Variants in MAMSTR observed in about 807,000 individuals in gnomAD.
MAMSTR encodes the protein MEF2 activating motif and SAP domain containing transcriptional regulator.
MAMSTR carries 41 observed loss-of-function variants against 42.7 expected under a neutral mutation model. That is an observed-to-expected ratio of 0.96 (90% confidence interval 0.75 to 1.25). The LOEUF (loss-of-function observed/expected upper bound fraction) is 1.25, where lower values mean the gene tolerates loss of function less well. Ranked by LOEUF, MAMSTR falls within the 50% of genes most tolerant of loss-of-function variation. The probability of loss-of-function intolerance (pLI) is 0.00; values close to 1 mark genes in which losing one functional copy is unlikely to be tolerated. For missense variants in MAMSTR, 567 were observed against 557.6 expected (o/e 1.02, Z -0.17); for synonymous variants, 265 against 244.1 (o/e 1.09, Z -0.80).
downstream of MAMSTR, among the ~76,000 whole-genome samples, chr19:48,708,794 G>A (rs1366461219): frequency 2.0e-5 from 3 of 152,104 alleles, no homozygotes; most frequent in Admixed American, 1.3e-4. Context: ...GACACAGAGA[G>A]ATGAGCGCAG....
intron 3 of MAMSTR, among the ~76,000 whole-genome samples, chr19:48,716,106 T>A (rs1274911695): frequency 1.3e-5 from 2 of 152,006 alleles, no homozygotes; most frequent in Admixed American, 1.3e-4. Context: ...CCGGCCGCGG[T>A]GGCTCACGCC....
In MAMSTR at chr19:48,713,992, G is replaced by A. The variant is rs549511294; in HGVS notation, c.777C>T (p.Thr259=). The A allele has an allele frequency of 6.2e-7, 1 of 1,612,242 alleles. No individual in the cohort carries two copies. Among genetic ancestry groups the A allele is most frequent in the African/African-American group, 1.3e-5 (1 of 75,048 alleles). ...HRPPLPRAAD[T]PGTAPAPTPT... is the part of the protein sequence containing the mutation. ...GAGTTGGAGCCGGAGCCGTCCCCGG[G>A]GTATCCGCGGCACGTGGAAGAGGTG... The change falls in exon 8 of 10, where the codon ACC becomes ACT. Residue 259 remains threonine, a synonymous_variant. Coordinates refer to ENST00000318083, the MANE Select transcript of MAMSTR (RefSeq NM_001130915.2).
chr19:48,706,464 C>T, the MAMSTR span, among the ~76,000 whole-genome samples: 47 of 151,678 alleles, frequency 3.1e-4, no homozygotes, highest in African/African-American at 1.1e-3. Flanking sequence ...ATAGTGAAAC[C>T]CTGTCTCTAC....
At position 48,717,034 on chromosome 19, in the gene MAMSTR, C is replaced by G. The variant is rs549686146; in HGVS notation, c.59-291G>C. On this transcript the variant is annotated intron_variant, in intron 2 of 9. Transcript: ENST00000318083. Reference sequence around the variant, plus strand: ...TCCACCTGCCCCCTCCATGAGCAAGCGTGTGCCCACCCCACCCCCTGCGCA... The same window carrying G: ...TCCACCTGCCCCCTCCATGAGCAAGGGTGTGCCCACCCCACCCCCTGCGCA... 6.6e-6 allele frequency: 7 copies of G among 1,066,986 alleles called. No homozygotes were observed. The African/African-American group carries it at 1.2e-4, about 18-fold the overall frequency. 66.1% of individuals were successfully genotyped at this position (1,066,986 alleles called of 1,614,324 possible). A position where few individuals can be genotyped will look rare whatever the true frequency, so the allele number is the denominator to read the frequency against.
chr19:48,719,648 G>GC lies in MAMSTR; in HGVS notation c.-22+30dup, dbSNP rs146010481. 0.06 allele frequency: 9,108 copies of GC among 152,232 alleles called. 386 individuals carry two copies. The highest frequency in any genetic ancestry group is 0.15 in the East Asian group (804 of 5,210). The allele number at this position is 152,232 out of a possible 1,614,324, so 9.4% of individuals were successfully genotyped here. A position where few individuals can be genotyped will look rare whatever the true frequency, so the allele number is the denominator to read the frequency against. On this transcript the variant is annotated intron_variant, in intron 1 of 9. Coordinates refer to ENST00000318083, the MANE Select transcript of MAMSTR (RefSeq NM_001130915.2). The surrounding 1 kb of genome is among the most constrained non-coding windows in gnomAD (Gnocchi z 4.4). ...AGGGGATAGAACCGTTGAGGAGTGC[G>GC]CCCCCCCCGTCCACCCCAGGGGCTT...
At chr19:48,707,905 GAAGA>G (rs1252598995), downstream of MAMSTR, among the ~76,000 whole-genome samples, 3 of 105,452 alleles carry the variant, frequency 2.8e-5, no homozygotes, top group East Asian at 3.3e-4. Context: ...AGAAAGAAAG[GAAGA>G]AAGAAAGAAA....
At position 48,715,697 on chromosome 19, in the gene MAMSTR, G is replaced by C. The variant is rs1288997917; in HGVS notation, c.168C>G (p.Ala56=). The change falls in exon 4 of 10, where the codon GCC becomes GCG. Residue 56 remains alanine, a synonymous_variant. Coordinates refer to ENST00000318083, the MANE Select transcript of MAMSTR (RefSeq NM_001130915.2). ...GGACCCCAGGGCTGAAGAGGAAAGG[G>C]GCCGTGCCCGAGGGCAAGGCCGGGG... ...PLAPALPSGT[A]PFLFSPGVLL... 7 of 1,539,332 alleles carry C rather than the reference G, an allele frequency of 4.5e-6. No individual in the cohort carries two copies. The highest frequency in any genetic ancestry group is 2.5e-5 in the East Asian group (1 of 40,574).
In MAMSTR at chr19:48,713,976, C is replaced by T; in HGVS notation, c.793G>A (p.Ala265Thr). Residue 265 changes from alanine (A) to threonine (T), a missense_variant, in exon 8 of 10, where the codon GCT becomes ACT. Physicochemically the swap from Ala to Thr is moderately conservative, Grantham distance 58. Coordinates refer to ENST00000318083, the MANE Select transcript of MAMSTR (RefSeq NM_001130915.2). Reference protein sequence around the residue: ...RAADTPGTAPAPTPTPAPAAA... With the variant: ...RAADTPGTAPTPTPTPAPAAA... ...GCAGGAGCCGGAGTGGGAGTTGGAGCCGGAGCCGTCCCCGGGGTATCCGCG... is the reference window on the plus strand; with the variant it reads ...GCAGGAGCCGGAGTGGGAGTTGGAGTCGGAGCCGTCCCCGGGGTATCCGCG... 10 of 1,612,988 alleles carry T rather than the reference C, an allele frequency of 6.2e-6. No homozygotes were observed. Among genetic ancestry groups the T allele is most frequent in the Non-Finnish European group, 8.5e-6 (10 of 1,179,658 alleles).
chr19:48,714,008 G>T lies in MAMSTR; in HGVS notation c.761C>A (p.Pro254Gln). Residue 254 changes from proline to glutamine, a missense_variant, in exon 8 of 10, where the codon CCA becomes CAA. Physicochemically the swap from Pro to Gln is moderately conservative, Grantham distance 76. Coordinates refer to ENST00000318083, the MANE Select transcript of MAMSTR (RefSeq NM_001130915.2). Reference protein sequence around the residue: ...PSAASHRPPLPRAADTPGTAP... With the variant: ...PSAASHRPPLQRAADTPGTAP... The stretch of plus-strand genomic sequence containing the variant: ...CGTCCCCGGGGTATCCGCGGCACGT[G>T]GAAGAGGTGGCCTGTGAGATGCTGC... 6.2e-7 allele frequency: 1 copy of T among 1,607,736 alleles called. No homozygotes were observed. Among genetic ancestry groups the T allele is most frequent in the Middle Eastern group, 1.8e-4 (1 of 5,464 alleles).
intron 5 of MAMSTR, 48 bp from the exon 6 acceptor site, chr19:48,714,956 G>C: frequency 7.9e-7 from 1 of 1,269,244 alleles, no homozygotes; most frequent in Non-Finnish European, 1.1e-6. Context: ...GGTAGAGGGG[G>C]AAAAGGCGTT....
chr19:48,707,735 A>AGAG (rs1555755128), downstream of MAMSTR, among the ~76,000 whole-genome samples: 3,215 of 146,340 alleles, frequency 0.022, 122 homozygotes, highest in African/African-American at 0.075. Flanking sequence ...AGCGAAACTC[A>AGAG]AGAGAGAGAG....
chr19:48,709,274 G>A (rs1459482113), downstream of MAMSTR, among the ~76,000 whole-genome samples: 1 of 151,914 alleles, frequency 6.6e-6, no homozygotes, highest in Non-Finnish European at 1.5e-5. Flanking sequence ...TCAGCCTCCC[G>A]AGTAGCTGGG....
intron 5 of MAMSTR, 73 bp downstream of exon 5, chr19:48,715,189 C>T: frequency 7.2e-7 from 1 of 1,390,094 alleles, no homozygotes; most frequent in East Asian, 2.5e-5. Context: ...TAATCTTGGA[C>T]TCGAGGTTTG....
intron 2 of MAMSTR, chr19:48,717,056 C>T (rs1416486926): frequency 2.6e-5 from 25 of 974,710 alleles, no homozygotes; most frequent in Non-Finnish European, 3.1e-5. Context: ...CCACCCCCTG[C>T]GCAATCGCTA....
At chr19:48,714,677 G>A in intron 6 of MAMSTR, 117 bp from the exon 7 acceptor site, 1 of 1,268,622 alleles carries the variant, frequency 7.9e-7, no homozygotes, top group Non-Finnish European at 1.1e-6. Context: ...CGGACTCCTG[G>A]GACCCTAAAA....
chr19:48,714,142 G>A, intron 7 of MAMSTR, 97 bp from the exon 8 acceptor site: 1 of 1,330,984 alleles, frequency 7.5e-7, no homozygotes, highest in South Asian at 1.5e-5. Flanking sequence ...ATCCTCTCGC[G>A]ACCCCTCGCT....
chr19:48,713,683 C>G, intron 9 of MAMSTR, 33 bp downstream of exon 9: 1 of 1,613,396 alleles, frequency 6.2e-7, no homozygotes, highest in Non-Finnish European at 8.5e-7. Flanking sequence ...CCTCAGCCCC[C>G]ACCTCCCCTA....
downstream of MAMSTR, among the ~76,000 whole-genome samples, chr19:48,712,051 C>T (rs926157272): frequency 2.0e-5 from 3 of 152,032 alleles, no homozygotes; most frequent in Non-Finnish European, 2.9e-5. Context: ...CCACCGTGCC[C>T]GGCCCAGTTT....
At chr19:48,708,416 G>A (rs2032685001), downstream of MAMSTR, among the ~76,000 whole-genome samples, 1 of 152,132 alleles carries the variant, frequency 6.6e-6, no homozygotes, top group African/African-American at 2.4e-5. Context: ...CAGGCCTCAT[G>A]ATGTAAATAT....
Sources: allele counts gnomAD v4.1 joint callset (sites outside exome capture counted in the v4.1 genomes callset), GRCh38; gene constraint gnomAD v4.1.1; non-coding constraint Gnocchi (gnomAD v3.1); transcripts MANE v1.5; gene names NCBI Gene and HGNC (gene_info 2026-07-23, HGNC 2026-07-21).